Variants in AGBL4 observed in about 807,000 individuals in gnomAD.
AGBL4 encodes cytosolic carboxypeptidase 6.
AGBL4 carries 58 observed loss-of-function variants against 66.4 expected under a neutral mutation model. That is an observed-to-expected ratio of 0.87 (90% CI 0.71 to 1.09). The LOEUF is 1.09. AGBL4 is among the 50% of genes least tolerant of loss of function. The pLI is 0.00. For synonymous variants in AGBL4, 234 were observed against 222.9 expected, an observed-to-expected ratio of 1.05 and a Z score of -0.44; for missense variants, 579 against 631.0, an observed-to-expected ratio of 0.92 and a Z score of 0.88.
At chr1:49,586,498 A>G (rs1571111370) in intron 3 of AGBL4, among the ~76,000 whole-genome samples, 1 of 152,340 alleles carries the variant, frequency 6.6e-6, no homozygotes, top group South Asian at 2.1e-4. Flanking sequence ...TCTTGTGAAG[A>G]CAGTATTAAT....
At chr1:48,793,216 A>G (rs149735816) in intron 6 of AGBL4, among the ~76,000 whole-genome samples, 1,749 of 152,292 alleles carry the variant, frequency 0.011, 14 homozygotes, top group Non-Finnish European at 0.018. Flanking sequence ...CAAATGCTTA[A>G]TTGTACTAGG....
chr1:49,957,020 A>C (rs1656665433), intron 1 of AGBL4, among the ~76,000 whole-genome samples: 1 of 152,010 alleles, frequency 6.6e-6, no homozygotes, highest in Non-Finnish European at 1.5e-5. Flanking sequence ...TAGAAAGATT[A>C]ATTTGGCATG....
intron 3 of AGBL4, among the ~76,000 whole-genome samples, chr1:49,537,926 CAA>C (rs555519458): frequency 1.4e-4 from 12 of 88,790 alleles, no homozygotes; most frequent in Non-Finnish European, 7.0e-5. Flanking sequence ...GACTCCATCT[CAA>C]AAAAAAAAAA....
At chr1:49,292,278 G>A (rs949964764) in intron 3 of AGBL4, among the ~76,000 whole-genome samples, 1 of 152,172 alleles carries the variant, frequency 6.6e-6, no homozygotes, top group Non-Finnish European at 1.5e-5. Flanking sequence ...TGGTTTGCAG[G>A]CACTCCTTGG....
intron 6 of AGBL4, among the ~76,000 whole-genome samples, chr1:48,834,565 A>G (rs534125159): frequency 4.6e-5 from 7 of 152,224 alleles, no homozygotes; most frequent in African/African-American, 1.7e-4. Context: ...AGAGAAAGGG[A>G]GACCAGAAAT....
chr1:49,484,094 A>G (rs1403093692), intron 3 of AGBL4, among the ~76,000 whole-genome samples: 2 of 152,100 alleles, frequency 1.3e-5, no homozygotes, highest in Admixed American at 6.6e-5. Flanking sequence ...GAGTCAGGCA[A>G]TAACAAATGC....
chr1:49,751,409 C>G (rs1034012452), intron 2 of AGBL4, among the ~76,000 whole-genome samples: 3 of 152,152 alleles, frequency 2.0e-5, no homozygotes, highest in African/African-American at 7.2e-5. Flanking sequence ...GTTGAACCAG[C>G]CTTGCATCCC....
intron 6 of AGBL4, among the ~76,000 whole-genome samples, chr1:48,680,332 T>C (rs1450580428): frequency 6.6e-6 from 1 of 152,216 alleles, no homozygotes; most frequent in African/African-American, 2.4e-5. Flanking sequence ...TCCGTTACCT[T>C]GCAAACTGAG....
intron 6 of AGBL4, chr1:48,759,296 A>G: frequency 6.5e-7 from 1 of 1,550,344 alleles, no homozygotes; most frequent in East Asian, 2.4e-5. Flanking sequence ...TGTGTAGGAC[A>G]ACGAGAATCA....
At chr1:48,941,314 A>C (rs1655955670) in intron 5 of AGBL4, among the ~76,000 whole-genome samples, 1 of 152,222 alleles carries the variant, frequency 6.6e-6, no homozygotes, top group Non-Finnish European at 1.5e-5. Context: ...CATAACAAGA[A>C]GGGCACTTTG....
In AGBL4 at chr1:49,184,682, A is replaced by C. The variant is rs148207577; in HGVS notation, c.377+61088T>G. Among the ~76,000 whole-genome samples the C allele has an allele frequency of 2.0e-5, 3 of 152,330 alleles. No homozygotes were observed. In the East Asian group the frequency reaches 5.8e-4, roughly 29 times the overall value. ...GACCTTATATGATAGATTTCTGCAA[A>C]GGCTTACATTGAAATGTCAGTATTT... On this transcript the variant is annotated intron_variant, in intron 4 of 13. Coordinates refer to ENST00000371839, the MANE Select transcript of AGBL4 (RefSeq NM_032785.4).
chr1:49,328,837 T>C (rs867917890), intron 3 of AGBL4, among the ~76,000 whole-genome samples: 2 of 152,244 alleles, frequency 1.3e-5, no homozygotes, highest in African/African-American at 4.8e-5. Flanking sequence ...TATTTGTTTA[T>C]GTTATCTCTG....
chr1:49,750,434 CT>C (rs1389028055), intron 2 of AGBL4, among the ~76,000 whole-genome samples: 1 of 152,174 alleles, frequency 6.6e-6, no homozygotes, highest in East Asian at 1.9e-4. Context: ...GGCTTCTGTT[CT>C]GTCCCATTGG....
intron 3 of AGBL4, among the ~76,000 whole-genome samples, chr1:49,445,261 C>T (rs957147103): frequency 1.3e-5 from 2 of 151,858 alleles, no homozygotes; most frequent in Non-Finnish European, 2.9e-5. Flanking sequence ...TTTTCTCTTG[C>T]TTGTTTTTAT....
intron 4 of AGBL4, among the ~76,000 whole-genome samples, chr1:49,118,872 A>G (rs1645590214): frequency 1.3e-5 from 2 of 152,178 alleles, no homozygotes; most frequent in Admixed American, 1.3e-4. Context: ...CCTCGATTAC[A>G]GAACCTGTTA....
intron 1 of AGBL4, among the ~76,000 whole-genome samples, chr1:49,972,213 T>G (rs1658190529): frequency 1.3e-5 from 2 of 151,890 alleles, no homozygotes; most frequent in Non-Finnish European, 2.9e-5. Context: ...CCGGCCCAAG[T>G]GCAGGTTTTT....
intron 5 of AGBL4, among the ~76,000 whole-genome samples, chr1:48,893,211 A>T (rs3127562): frequency 6.6e-6 from 1 of 151,938 alleles, no homozygotes; most frequent in African/African-American, 2.4e-5. Flanking sequence ...GGTAGAGGAG[A>T]GAATCTACCA....
chr1:49,044,434 A>G (rs1288202443), intron 5 of AGBL4, among the ~76,000 whole-genome samples: 1 of 151,840 alleles, frequency 6.6e-6, no homozygotes, highest in Non-Finnish European at 1.5e-5. Flanking sequence ...GGTTGCAGTG[A>G]GCTGTGAGCC....
chr1:48,588,947 C>A (rs2200307), intron 10 of AGBL4, among the ~76,000 whole-genome samples: 55,973 of 151,552 alleles, frequency 0.37, 10,738 homozygotes, highest in South Asian at 0.51. Flanking sequence ...ATCAGGCAAG[C>A]CCAGAAATAA....
Sources: gnomAD v4.1 joint callset for allele counts (sites outside exome capture counted in the v4.1 genomes callset) on GRCh38, gnomAD v4.1.1 for gene constraint, MANE v1.5 for transcripts, NCBI Gene and HGNC (gene_info 2026-07-23, HGNC 2026-07-21) for gene names.